PDE7B: variants seen among roughly 807,000 people sequenced by gnomAD.
PDE7B encodes 3',5'-cyclic-AMP phosphodiesterase 7B.
In PDE7B, 29 loss-of-function variants were observed where a neutral mutation model predicts 56.2. The ratio of observed to expected loss-of-function variants is 0.52; its 90% confidence interval spans 0.38 to 0.70. PDE7B has a LOEUF of 0.70. Ranked by LOEUF, PDE7B falls within the 30% of genes least tolerant of loss-of-function variation. The pLI, the probability that PDE7B is intolerant of heterozygous loss-of-function variation, is 0.00. For missense variants in PDE7B, 490 were observed against 565.0 expected (o/e 0.87, Z 1.35); for synonymous variants, 197 against 196.9 (o/e 1.00, Z 0.00).
intron 2 of PDE7B, among the ~76,000 whole-genome samples, chr6:135,955,405 A>C (rs980984925): frequency 2.0e-5 from 3 of 152,124 alleles, no homozygotes; most frequent in Admixed American, 6.6e-5. Context: ...CCATTGGGAA[A>C]GGTGTTGTTG....
chr6:135,925,115 C>A (rs1223746906), intron 1 of PDE7B, among the ~76,000 whole-genome samples: 1 of 149,226 alleles, frequency 6.7e-6, no homozygotes, highest in African/African-American at 2.5e-5. Context: ...TTCAATTAAA[C>A]TGAAACAGAA....
intron 10 of PDE7B, among the ~76,000 whole-genome samples, 200 bp downstream of exon 10, chr6:136,179,341 T>G (rs1779026952): frequency 2.0e-5 from 3 of 152,002 alleles, no homozygotes; most frequent in Middle Eastern, 3.4e-3. Flanking sequence ...ATCCTGTCTC[T>G]AAAAAAACAC....
chr6:135,908,647 C>G (rs1223014995), intron 1 of PDE7B, among the ~76,000 whole-genome samples: 2 of 151,994 alleles, frequency 1.3e-5, no homozygotes, highest in African/African-American at 2.4e-5. Flanking sequence ...ATACCACAGG[C>G]AAAATGAATA....
chr6:135,929,273 A>T (rs1774253510), intron 1 of PDE7B, among the ~76,000 whole-genome samples: 2 of 152,156 alleles, frequency 1.3e-5, no homozygotes, highest in Non-Finnish European at 1.5e-5. Context: ...AAAATGATTC[A>T]AGAATACTTA....
intron 2 of PDE7B, among the ~76,000 whole-genome samples, chr6:136,015,522 G>C (rs747961530): frequency 1.4e-4 from 21 of 152,074 alleles, no homozygotes; most frequent in Non-Finnish European, 2.5e-4. Context: ...TTCTCAAGAG[G>C]CTTTTCCGCC....
At chr6:136,003,249 T>G (rs951530969) in intron 2 of PDE7B, among the ~76,000 whole-genome samples, 31 of 151,332 alleles carry the variant, frequency 2.0e-4, no homozygotes, top group East Asian at 1.2e-3. Flanking sequence ...AGAGAAAGCA[T>G]GAAAGATCCA....
At position 136,193,713 on chromosome 6, in the gene PDE7B, G is replaced by C. The variant is rs533450903; in HGVS notation, c.*1873G>C. ...ATGACAGCTAGCACTTATTTCCTAAGTGCAACTGTTTTAGAGATTTTTCTC... is the reference window on the plus strand; with the variant it reads ...ATGACAGCTAGCACTTATTTCCTAACTGCAACTGTTTTAGAGATTTTTCTC... On this transcript the variant is annotated 3_prime_UTR_variant, in exon 13 of 13. Coordinates refer to ENST00000308191, the MANE Select transcript of PDE7B (RefSeq NM_018945.4). 6.6e-6 allele frequency: 1 copy of C among 152,302 alleles called. No individual in the cohort carries two copies. Among genetic ancestry groups the C allele is most frequent in the East Asian group, 1.9e-4 (1 of 5,178 alleles). The allele number at this position is 152,302 out of a possible 1,614,324, so 9.4% of individuals were successfully genotyped here. A position where few individuals can be genotyped will look rare whatever the true frequency, so the allele number is the denominator to read the frequency against.
chr6:135,954,170 C>T (rs1398132594), intron 2 of PDE7B, among the ~76,000 whole-genome samples: 1 of 152,188 alleles, frequency 6.6e-6, no homozygotes, highest in Admixed American at 6.5e-5. Context: ...TGTTCCCCAG[C>T]CTTGCCCTGC....
intron 3 of PDE7B, among the ~76,000 whole-genome samples, chr6:136,125,800 A>G (rs1430085052): frequency 6.6e-6 from 1 of 152,100 alleles, no homozygotes; most frequent in Non-Finnish European, 1.5e-5. Flanking sequence ...CCCAGGCTTC[A>G]GACAGGAACC....
At chr6:135,999,695 G>T (rs1775631996) in intron 2 of PDE7B, among the ~76,000 whole-genome samples, 1 of 151,244 alleles carries the variant, frequency 6.6e-6, no homozygotes, top group African/African-American at 2.4e-5. Flanking sequence ...CCATGTCTTT[G>T]CTATTGTGAA....
intron 2 of PDE7B, chr6:136,072,516 A>G (rs1777066312): frequency 6.6e-6 from 1 of 152,174 alleles, no homozygotes; most frequent in Non-Finnish European, 1.5e-5. Flanking sequence ...TGATCTTAAG[A>G]AAGAAAAAGA....
chr6:135,926,560 G>A (rs1048085193), intron 1 of PDE7B, among the ~76,000 whole-genome samples: 7 of 151,964 alleles, frequency 4.6e-5, no homozygotes, highest in African/African-American at 1.5e-4. Context: ...CCTATACCCC[G>A]GGTATAGGGA....
At chr6:136,011,019 TG>T (rs1303384781) in intron 2 of PDE7B, among the ~76,000 whole-genome samples, 2 of 152,132 alleles carry the variant, frequency 1.3e-5, no homozygotes, top group Non-Finnish European at 2.9e-5. Flanking sequence ...CCCTCAGCCT[TG>T]GAGATTTACA....
At chr6:136,118,489 C>G (rs1562497640) in intron 3 of PDE7B, among the ~76,000 whole-genome samples, 1 of 152,148 alleles carries the variant, frequency 6.6e-6, no homozygotes, top group Admixed American at 6.5e-5. Flanking sequence ...CACAGTTAGA[C>G]TCATTTAATC....
chr6:135,866,076 A>C (rs1385124487), intron 1 of PDE7B, among the ~76,000 whole-genome samples: 2 of 152,174 alleles, frequency 1.3e-5, no homozygotes, highest in Non-Finnish European at 2.9e-5. Context: ...GATTTATTTT[A>C]ATCATTAACT....
At chr6:136,151,489 T>C (rs746317727) in intron 6 of PDE7B, among the ~76,000 whole-genome samples, 1 of 152,292 alleles carries the variant, frequency 6.6e-6, no homozygotes, top group South Asian at 2.1e-4. Context: ...GCTAACCCCC[T>C]GTGTAGTCAA....
At chr6:136,188,822 C>A (rs1779179441) in intron 12 of PDE7B, among the ~76,000 whole-genome samples, 1 of 152,104 alleles carries the variant, frequency 6.6e-6, no homozygotes, top group Non-Finnish European at 1.5e-5. Context: ...GGATGCTACA[C>A]CAGCACACCA....
rs780579033 is a variant in PDE7B, at chr6:135,978,740, T to C, written c.82+31216T>C. Among the ~76,000 whole-genome samples the C allele has an allele frequency of 2.0e-5, 3 of 152,288 alleles. No individual in the cohort carries two copies. The East Asian group carries it at 5.8e-4, about 29-fold the overall frequency. On this transcript the variant is annotated intron_variant, in intron 2 of 12. Transcript: ENST00000308191. ...ACACATTGATTTTGTATCCTGAGAC[T>C]TTGCTGAAGTTGCTTATCAGCTTAA...
intron 2 of PDE7B, among the ~76,000 whole-genome samples, chr6:136,003,761 T>G (rs1399656860): frequency 6.6e-6 from 1 of 152,182 alleles, no homozygotes; most frequent in African/African-American, 2.4e-5. Context: ...ACAGCCGAAT[T>G]CTACCAGAGG....
Sources: allele counts gnomAD v4.1 joint callset (sites outside exome capture counted in the v4.1 genomes callset), GRCh38; gene constraint gnomAD v4.1.1; transcripts MANE v1.5; gene names NCBI Gene and HGNC (gene_info 2026-07-23, HGNC 2026-07-21).